Variants in SNX6 observed in about 807,000 individuals in gnomAD.
The protein encoded by SNX6 is sorting nexin 6.
Under a neutral mutation model 63.0 loss-of-function variants are expected in SNX6, and 34 were observed. That is an observed-to-expected ratio of 0.54 (90% confidence interval 0.41 to 0.72). The LOEUF is 0.72. Ranked by LOEUF, SNX6 falls within the 30% of genes least tolerant of loss-of-function variation. The pLI is 0.00. For synonymous variants in SNX6, 170 were observed against 164.2 expected (o/e 1.04, Z -0.27); for missense variants, 398 against 471.4 (o/e 0.84, Z 1.44).
At chr14:34,568,992 A>C (rs945170236) in intron 11 of SNX6, 3 of 1,461,552 alleles carry the variant, frequency 2.1e-6, no homozygotes, top group Non-Finnish European at 2.9e-6. Context: ...CGTAGGGAGC[A>C]AGCTCTTTGT....
chr14:34,629,488 G>A (rs1481128278), intron 2 of SNX6: 17 of 481,276 alleles, frequency 3.5e-5, no homozygotes, highest in Non-Finnish European at 7.0e-5. Context: ...AGAAGGGTGG[G>A]CGGGAGCAAG....
At chr14:34,606,159 G>A (rs998583448) in intron 4 of SNX6, among the ~76,000 whole-genome samples, 3 of 151,102 alleles carry the variant, frequency 2.0e-5, no homozygotes, top group African/African-American at 4.9e-5. Flanking sequence ...GGGTGATAGA[G>A]GAAGACCCTG....
chr14:34,590,373 A>T (rs1290053946), intron 8 of SNX6, among the ~76,000 whole-genome samples: 1 of 151,462 alleles, frequency 6.6e-6, no homozygotes, highest in African/African-American at 2.4e-5. Context: ...GCTTGCAGTG[A>T]GCCAAGATTC....
At chr14:34,629,744 A>C in intron 2 of SNX6, 163 bp downstream of exon 2, 1 of 1,154,440 alleles carries the variant, frequency 8.7e-7, no homozygotes, top group Non-Finnish European at 1.2e-6. Flanking sequence ...CTAGGGAGGA[A>C]GGGCTGCGGG....
At chr14:34,586,329 T>C (rs377166046) in intron 8 of SNX6, 24 bp from the exon 9 acceptor site, 52 of 1,434,770 alleles carry the variant, frequency 3.6e-5, no homozygotes, top group Non-Finnish European at 4.8e-5. Flanking sequence ...TTTAAGAATT[T>C]AGTATACCTA....
intron 2 of SNX6, among the ~76,000 whole-genome samples, chr14:34,616,335 A>G (rs1883418734): frequency 6.6e-6 from 1 of 152,154 alleles, no homozygotes; most frequent in Admixed American, 6.6e-5. Flanking sequence ...AAGTCTTTCA[A>G]TCAACTGCAC....
intron 7 of SNX6, among the ~76,000 whole-genome samples, chr14:34,593,825 ACCT>A (rs1029425206): frequency 6.7e-6 from 1 of 149,208 alleles, no homozygotes; most frequent in African/African-American, 2.5e-5. Context: ...TGATCCGCCC[ACCT>A]CGGCCTCCCA....
intron 6 of SNX6, 146 bp downstream of exon 6, chr14:34,603,202 C>G: frequency 1.6e-6 from 1 of 630,462 alleles, no homozygotes; most frequent in Non-Finnish European, 2.4e-6. Flanking sequence ...GGCATGAACC[C>G]GGGAGGCGGA....
At chr14:34,630,046 G>A (rs1228008502) in intron 1 of SNX6, 65 bp downstream of exon 1, 8 of 1,437,792 alleles carry the variant, frequency 5.6e-6, no homozygotes, top group Non-Finnish European at 6.3e-6. Flanking sequence ...CGCGGTCCCC[G>A]CGCCCGCCCC....
chr14:34,613,861 C>T (rs1435307365), intron 2 of SNX6, among the ~76,000 whole-genome samples: 1 of 151,770 alleles, frequency 6.6e-6, no homozygotes, highest in Non-Finnish European at 1.5e-5. Flanking sequence ...GTAATACCAG[C>T]ACTCTGGGAG....
At chr14:34,574,080 G>T (rs1220730174) in intron 11 of SNX6, among the ~76,000 whole-genome samples, 2 of 151,590 alleles carry the variant, frequency 1.3e-5, no homozygotes, top group African/African-American at 4.8e-5. Flanking sequence ...GCTCATGCCT[G>T]TAATCCCAGC....
chr14:34,577,003 T>C (rs1397127103), intron 10 of SNX6, among the ~76,000 whole-genome samples: 4 of 151,846 alleles, frequency 2.6e-5, no homozygotes, highest in African/African-American at 9.7e-5. Flanking sequence ...TGAGCCAAGA[T>C]TGAGCCACTA....
intron 3 of SNX6, 42 bp from the exon 4 acceptor site, chr14:34,608,182 A>T (rs2138354461): frequency 2.4e-6 from 3 of 1,230,800 alleles, no homozygotes; most frequent in Non-Finnish European, 2.3e-6. Flanking sequence ...TCAAATTTAC[A>T]CTAAAAAGTT....
At chr14:34,619,444 T>TGA (rs1215507593) in intron 2 of SNX6, among the ~76,000 whole-genome samples, 4 of 148,268 alleles carry the variant, frequency 2.7e-5, no homozygotes, top group African/African-American at 1.0e-4. Context: ...ATATATATAT[T>TGA]TAGAGAGAGA....
chr14:34,586,493 G>A (rs980164567), intron 8 of SNX6, among the ~76,000 whole-genome samples, 188 bp from the exon 9 acceptor site: 2 of 151,728 alleles, frequency 1.3e-5, no homozygotes, highest in Non-Finnish European at 2.9e-5. Flanking sequence ...GATCACCTGA[G>A]GTCAGGAGTT....
At chr14:34,591,673 T>C (rs1234988567) in intron 8 of SNX6, among the ~76,000 whole-genome samples, 1 of 152,172 alleles carries the variant, frequency 6.6e-6, no homozygotes, top group Admixed American at 6.6e-5. Flanking sequence ...AGTAAGCTCA[T>C]GGTCAGAGAG....
intron 11 of SNX6, among the ~76,000 whole-genome samples, chr14:34,572,252 T>G (rs924179350): frequency 6.6e-6 from 1 of 152,180 alleles, no homozygotes; most frequent in Non-Finnish European, 1.5e-5. Context: ...TACTAAGAAA[T>G]TGTTATCTAT....
At chr14:34,620,731 A>G (rs556127869) in intron 2 of SNX6, among the ~76,000 whole-genome samples, 4 of 151,870 alleles carry the variant, frequency 2.6e-5, no homozygotes, top group African/African-American at 4.8e-5. Context: ...ACTTGAGGCC[A>G]GGAGTTTGAG....
intron 2 of SNX6, among the ~76,000 whole-genome samples, chr14:34,624,738 G>A (rs935839755): frequency 1.3e-5 from 2 of 151,896 alleles, no homozygotes; most frequent in Non-Finnish European, 2.9e-5. Context: ...AGAGGTTGCA[G>A]TGAGTCAAGG....
Sources: gnomAD v4.1 joint callset for allele counts (sites outside exome capture counted in the v4.1 genomes callset) on GRCh38, gnomAD v4.1.1 for gene constraint, MANE v1.5 for transcripts, NCBI Gene and HGNC (gene_info 2026-07-23, HGNC 2026-07-21) for gene names.